The following RSL1D1 variants were observed in gnomAD, a reference collection of about 807,000 sequenced individuals.
RSL1D1 encodes ribosomal L1 domain containing 1.
A neutral mutation model predicts 44.6 loss-of-function variants in RSL1D1; 34 were observed. The observed-to-expected ratio is 0.76, with a 90% CI of 0.58 to 1.02. The LOEUF is 1.02. Ranked by LOEUF, RSL1D1 falls within the 50% of genes least tolerant of loss-of-function variation. RSL1D1 has a pLI of 0.00. For synonymous variants in RSL1D1, 271 were observed against 207.4 expected, an observed-to-expected ratio of 1.31 and a Z score of -2.63; for missense variants, 767 against 568.1, an observed-to-expected ratio of 1.35 and a Z score of -3.56.
rs890681700 is a variant in RSL1D1, at chr16:11,836,816, G to A, written c.*971C>T. ...ATTCCGTAGCCGACTCTCATACAGC[G>A]AGACCCTCACTGGGCCACTCTGGGA... On this transcript the variant is annotated 3_prime_UTR_variant, in exon 9 of 9. Coordinates refer to ENST00000571133, the MANE Select transcript of RSL1D1 (RefSeq NM_015659.3). 4 of 152,120 alleles carry A rather than the reference G, an allele frequency of 2.6e-5. No individual in the cohort carries two copies. The highest frequency in any genetic ancestry group is 1.9e-4 in the East Asian group (1 of 5,198). 9.4% of individuals were successfully genotyped at this position (152,120 alleles called of 1,614,324 possible).
intron 1 of RSL1D1, among the ~76,000 whole-genome samples, 170 bp from the exon 2 acceptor site, chr16:11,850,588 C>T (rs1431965566): frequency 6.6e-6 from 1 of 152,092 alleles, no homozygotes; most frequent in East Asian, 1.9e-4. Flanking sequence ...TATTAGGATC[C>T]TGCAGTTTAT....
At position 11,847,537 on chromosome 16, in the gene RSL1D1, G is replaced by A; in HGVS notation, c.384+131C>T. ...AGATATAAAAGCTACTGATGTACACGCCACCACAAATTAAATTAAAAAGAG... is the reference window on the plus strand; with the variant it reads ...AGATATAAAAGCTACTGATGTACACACCACCACAAATTAAATTAAAAAGAG... On this transcript the variant is annotated intron_variant, in intron 3 of 8. Transcript: ENST00000571133. 1.2e-5 allele frequency: 9 copies of A among 777,502 alleles called. 1 individual carries two copies. Among genetic ancestry groups the A allele is most frequent in the South Asian group, 8.8e-5 (5 of 56,582 alleles). 48.2% of individuals were successfully genotyped at this position (777,502 alleles called of 1,614,324 possible).
rs1394852579 is a variant in RSL1D1 at position 11,850,704 on chromosome 16, C to G, written c.106-286G>C. Reference sequence around the variant, plus strand: ...TTAAAGAGATTGGGCTAGAGGGAAACGTGCCCCTCCTGCCCTCAATGATGA... The same window carrying G: ...TTAAAGAGATTGGGCTAGAGGGAAAGGTGCCCCTCCTGCCCTCAATGATGA... On this transcript the variant is annotated intron_variant, in intron 1 of 8. Transcript: ENST00000571133. 2.0e-5 allele frequency among the ~76,000 whole-genome samples: 3 copies of G among 152,172 alleles called. No homozygotes were observed. In the East Asian group the frequency reaches 5.8e-4, roughly 29 times the overall value.
At chr16:11,844,646 GC>G (rs1358139511) in intron 5 of RSL1D1, among the ~76,000 whole-genome samples, 1 of 152,142 alleles carries the variant, frequency 6.6e-6, no homozygotes, top group African/African-American at 2.4e-5. Flanking sequence ...CTGGGGTCAG[GC>G]CTCCCTGGTG....
chr16:11,838,050 C>A lies in RSL1D1; in HGVS notation c.1210G>T (p.Gly404Trp). 1 of 1,613,512 alleles carries A rather than the reference C, an allele frequency of 6.2e-7. No homozygotes were observed. Among genetic ancestry groups the A allele is most frequent in the South Asian group, 1.1e-5 (1 of 90,976 alleles). Residue 404 changes from glycine to tryptophan, a missense_variant, in exon 9 of 9, where the codon GGG becomes TGG. Gly to Trp is a radical substitution (Grantham distance 184). Coordinates refer to ENST00000571133, the MANE Select transcript of RSL1D1 (RefSeq NM_015659.3). ...GCTGGCAAAGCCTTTCTTTTCTTCCCACGAGGTGTGCTGGGATTAGGACTC... is the reference window on the plus strand; with the variant it reads ...GCTGGCAAAGCCTTTCTTTTCTTCCAACGAGGTGTGCTGGGATTAGGACTC... Reference protein sequence around the residue: ...AKSPNPSTPRGKKRKALPASE... With the variant: ...AKSPNPSTPRWKKRKALPASE...
At chr16:11,841,191 CTT>C (rs1010775584) in intron 7 of RSL1D1, among the ~76,000 whole-genome samples, 1 of 152,146 alleles carries the variant, frequency 6.6e-6, no homozygotes, top group Non-Finnish European at 1.5e-5. Flanking sequence ...AGGCGGATCG[CTT>C]GAGCTCAAGA....
intron 8 of RSL1D1, among the ~76,000 whole-genome samples, 166 bp downstream of exon 8, chr16:11,839,526 TAAA>T (rs55657359): frequency 0.034 from 4,133 of 121,410 alleles, 92 homozygotes; most frequent in African/African-American, 0.069. Flanking sequence ...AGATCCCATC[TAAA>T]AAAAAAAAAA....
intron 7 of RSL1D1, 135 bp downstream of exon 7, chr16:11,841,560 A>C: frequency 1.3e-6 from 1 of 770,166 alleles, no homozygotes; most frequent in Non-Finnish European, 2.1e-6. Flanking sequence ...CCTCATGTAA[A>C]GTGACAAAAG....
rs2053732819 is a variant in RSL1D1 at position 11,837,827 on chromosome 16, T to C, written c.1433A>G (p.Lys478Arg). 2.5e-6 allele frequency: 4 copies of C among 1,611,052 alleles called. No homozygotes were observed. Among genetic ancestry groups the C allele is most frequent in the African/African-American group, 1.3e-5 (1 of 74,560 alleles). Residue 478 changes from lysine to arginine, a missense_variant, in exon 9 of 9, where the codon AAA becomes AGA. Lys to Arg is a conservative substitution (Grantham distance 26). Transcript: ENST00000571133. ...KSVRKASHTP[K>R]KWPKKPKVPQ... ...TACTTTGGGTTTTTTGGGCCATTTT[T>C]TGGGGGTGTGGGAAGCTTTTCTCAC...
Position 11,837,791 on chromosome 16 carries a change from G to C in RSL1D1, c.1469C>G (p.Thr490Ser). ...CTTCCAGTTGAATCACTGACTTTAG[G>C]TCGACTGGGGTACTTTGGGTTTTTT... ...WPKKPKVPQST is the reference protein window; with the variant it reads ...WPKKPKVPQSS Residue 490 changes from threonine (T) to serine (S), a missense_variant, in exon 9 of 9, where the codon ACC becomes AGC. Thr to Ser is a moderately conservative substitution (Grantham distance 58). Coordinates refer to ENST00000571133, the MANE Select transcript of RSL1D1 (RefSeq NM_015659.3). 1 of 1,603,446 alleles carries C rather than the reference G, an allele frequency of 6.2e-7. No homozygotes were observed. Among genetic ancestry groups the C allele is most frequent in the Non-Finnish European group, 8.5e-7 (1 of 1,175,212 alleles).
intron 5 of RSL1D1, among the ~76,000 whole-genome samples, chr16:11,845,879 A>T (rs1284069278): frequency 6.6e-6 from 1 of 151,660 alleles, no homozygotes; most frequent in Non-Finnish European, 1.5e-5. Context: ...GCACCACCAC[A>T]CCTGACTAAT....
intron 5 of RSL1D1, among the ~76,000 whole-genome samples, chr16:11,843,155 A>C (rs1173864313): frequency 5.3e-5 from 8 of 150,014 alleles, no homozygotes; most frequent in Non-Finnish European, 1.2e-4. Flanking sequence ...GGCTGGTCTC[A>C]AACTCCCGAC....
chr16:11,839,816 T>C lies in RSL1D1; in HGVS notation c.1025A>G (p.Glu342Gly), dbSNP rs967554778. The change falls in exon 8 of 9, where the codon GAG (glutamate) becomes GGG (glycine). Residue 342 changes from glutamate (E) to glycine (G), a missense_variant. By Grantham distance (98) the Glu-to-Gly change is moderately conservative. Coordinates refer to ENST00000571133, the MANE Select transcript of RSL1D1 (RefSeq NM_015659.3). The part of the protein sequence containing the change: ...KPESKKEQTP[E>G]HGKKKRGRGK... ...TCTGCCACGTTTTTTCTTCCCATGC[T>C]CTGGGGTCTGTTCCTTCTTTGATTC... 56 of 1,614,090 alleles carry C rather than the reference T, an allele frequency of 3.5e-5. No individual in the cohort carries two copies. Among genetic ancestry groups the C allele is most frequent in the Non-Finnish European group, 4.7e-5 (56 of 1,180,040 alleles).
chr16:11,850,764 G>C (rs930338970), intron 1 of RSL1D1, among the ~76,000 whole-genome samples: 6 of 152,152 alleles, frequency 3.9e-5, no homozygotes, highest in Non-Finnish European at 8.8e-5. Context: ...AAAGCAAAAT[G>C]CATTTAGCAT....
intron 2 of RSL1D1, among the ~76,000 whole-genome samples, chr16:11,848,800 C>CTTT (rs35932064): frequency 2.1e-5 from 3 of 143,022 alleles, no homozygotes; most frequent in Non-Finnish European, 3.1e-5. Context: ...GCCAACATAA[C>CTTT]TTTTTTTTTT....
chr16:11,839,664 C>T (rs949915480), intron 8 of RSL1D1, 31 bp downstream of exon 8: 30 of 1,608,838 alleles, frequency 1.9e-5, no homozygotes, highest in African/African-American at 4.0e-5. Flanking sequence ...CTGAACCAAT[C>T]CATTATGAAC....
Position 11,833,964 on chromosome 16 carries a change from AT to A in RSL1D1, c.*3822del, listed in dbSNP as rs1263427954. 2.0e-5 allele frequency: 3 copies of A among 152,144 alleles called. No individual in the cohort carries two copies. Among genetic ancestry groups the A allele is most frequent in the Non-Finnish European group, 4.4e-5 (3 of 68,016 alleles). The allele number at this position is 152,144 out of a possible 1,614,324, so 9.4% of individuals were successfully genotyped here. On this transcript the variant is annotated 3_prime_UTR_variant, in exon 9 of 9. Transcript: ENST00000571133. ...ACTCAAATTTCTCCCATCAGATCTCATTTGGTTCATTAAATCTCCCTGGTGA... is the reference window on the plus strand; with the variant it reads ...ACTCAAATTTCTCCCATCAGATCTCATTGGTTCATTAAATCTCCCTGGTGA...
Position 11,838,133 on chromosome 16 carries a change from G to C in RSL1D1, c.1147-20C>G. ...TTGAATCTAAGAAAAAAAAAAGTAA[G>C]TTTAATATAGAAAAAGCCACAAAAC... On this transcript the variant is annotated intron_variant, in intron 8 of 8. Coordinates refer to ENST00000571133, the MANE Select transcript of RSL1D1 (RefSeq NM_015659.3). 6.5e-7 allele frequency: 1 copy of C among 1,537,990 alleles called. No homozygotes were observed. The highest frequency in any genetic ancestry group is 8.7e-7 in the Non-Finnish European group (1 of 1,144,026).
intron 2 of RSL1D1, 127 bp from the exon 3 acceptor site, chr16:11,847,933 T>C (rs990905489): frequency 6.5e-6 from 6 of 929,984 alleles, no homozygotes; most frequent in Non-Finnish European, 9.9e-6. Context: ...GTTAAGCAAA[T>C]AATGCACCAA....
Sources: gnomAD v4.1 joint callset for allele counts (sites outside exome capture counted in the v4.1 genomes callset) on GRCh38, gnomAD v4.1.1 for gene constraint, MANE v1.5 for transcripts, NCBI Gene and HGNC (gene_info 2026-07-23, HGNC 2026-07-21) for gene names.